Variants in ANKRD55 observed in about 807,000 individuals in gnomAD.
ANKRD55 encodes the protein ankyrin repeat domain 55.
In ANKRD55, 41 loss-of-function variants were observed where a neutral mutation model predicts 60.6. That is an observed-to-expected ratio of 0.68 (90% CI 0.53 to 0.88). The LOEUF (loss-of-function observed/expected upper bound fraction) is 0.88, where lower values mean the gene tolerates loss of function less well. Among genes scored for constraint, ANKRD55 ranks in the 40% least tolerant of loss-of-function variants. The pLI is 0.00. For missense variants in ANKRD55, 732 were observed against 767.6 expected (o/e 0.95, Z 0.55); for synonymous variants, 264 against 290.3 (o/e 0.91, Z 0.92).
intron 11 of ANKRD55, 119 bp downstream of exon 11, chr5:56,102,375 C>A: frequency 1.5e-6 from 1 of 656,304 alleles, no homozygotes; most frequent in Non-Finnish European, 2.4e-6. Context: ...GGGGCGACAG[C>A]GCAAGACTCC....
chr5:56,174,205 G>C (rs1758685813), intron 4 of ANKRD55, among the ~76,000 whole-genome samples: 1 of 152,084 alleles, frequency 6.6e-6, no homozygotes, highest in South Asian at 2.1e-4. Flanking sequence ...AACTTTCCAG[G>C]CTCCAAGGGT....
At chr5:56,221,999 G>A (rs533889786) in intron 2 of ANKRD55, among the ~76,000 whole-genome samples, 1 of 152,174 alleles carries the variant, frequency 6.6e-6, no homozygotes, top group Admixed American at 6.5e-5. Flanking sequence ...AGAGAGTAGT[G>A]GTTCTCCCAG....
At chr5:56,200,894 G>C (rs1374713976) in intron 2 of ANKRD55, among the ~76,000 whole-genome samples, 1 of 152,166 alleles carries the variant, frequency 6.6e-6, no homozygotes, top group Non-Finnish European at 1.5e-5. Flanking sequence ...GACAACCACA[G>C]AGGACTCTGA....
intron 6 of ANKRD55, among the ~76,000 whole-genome samples, chr5:56,156,375 C>T (rs2111785711): frequency 6.6e-6 from 1 of 152,348 alleles, no homozygotes; most frequent in East Asian, 1.9e-4. Context: ...ATATTTACCA[C>T]ATATTCTATG....
In ANKRD55 at chr5:56,172,239, A is replaced by T. The variant is rs553597377; in HGVS notation, c.313-1436T>A. Reference sequence around the variant, plus strand: ...AGGAAAATCAACAAAAATGCATCAAAATTCAGAGTATAAATATTGAATATG... The same window carrying T: ...AGGAAAATCAACAAAAATGCATCAATATTCAGAGTATAAATATTGAATATG... On this transcript the variant is annotated intron_variant, in intron 4 of 11. Transcript: ENST00000341048. Among the ~76,000 whole-genome samples, 4 of 152,330 alleles carry T rather than the reference A, an allele frequency of 2.6e-5. No homozygotes were observed. The South Asian group carries it at 8.3e-4, about 32-fold the overall frequency.
intron 2 of ANKRD55, among the ~76,000 whole-genome samples, chr5:56,198,428 G>A (rs1759278107): frequency 6.6e-6 from 1 of 151,938 alleles, no homozygotes; most frequent in African/African-American, 2.4e-5. Flanking sequence ...TGGGGTTACA[G>A]GCATGCACCA....
At chr5:56,218,593 T>C (rs573996535) in intron 2 of ANKRD55, among the ~76,000 whole-genome samples, 1 of 152,340 alleles carries the variant, frequency 6.6e-6, no homozygotes, top group Non-Finnish European at 1.5e-5. Context: ...ACTTAATAGA[T>C]TACAGTACAG....
At chr5:56,221,032 A>T (rs904499271) in intron 2 of ANKRD55, among the ~76,000 whole-genome samples, 1 of 152,172 alleles carries the variant, frequency 6.6e-6, no homozygotes, top group Non-Finnish European at 1.5e-5. Context: ...GTCTTTATTT[A>T]TCTGGACCTT....
intron 2 of ANKRD55, among the ~76,000 whole-genome samples, chr5:56,188,362 CTACAA>C (rs1759022070): frequency 7.5e-6 from 1 of 132,720 alleles, no homozygotes; most frequent in Admixed American, 6.9e-5. Flanking sequence ...CGCCACCCCC[CTACAA>C]CCAAAAAAAA....
At chr5:56,195,321 CAG>C (rs1412068836) in intron 2 of ANKRD55, among the ~76,000 whole-genome samples, 1 of 152,168 alleles carries the variant, frequency 6.6e-6, no homozygotes, top group Non-Finnish European at 1.5e-5. Flanking sequence ...TGTGTCATAA[CAG>C]AATATTTTAC....
rs1304674313 is a variant in ANKRD55, at chr5:56,159,913, G to A, written c.423-20C>T. 7 of 1,610,912 alleles carry A rather than the reference G, an allele frequency of 4.3e-6. No individual in the cohort carries two copies. The East Asian group carries it at 1.1e-4, about 26-fold the overall frequency. ...AGGAGCCTGTAAGGAAAAAATAGGA[G>A]AAATGGCTCAAAATAACAGGCAGTC... On this transcript the variant is annotated intron_variant, in intron 5 of 11. Coordinates refer to ENST00000341048, the MANE Select transcript of ANKRD55 (RefSeq NM_024669.3).
At chr5:56,173,394 C>T (rs1159122886) in intron 4 of ANKRD55, among the ~76,000 whole-genome samples, 1 of 151,272 alleles carries the variant, frequency 6.6e-6, no homozygotes, top group Non-Finnish European at 1.5e-5. Context: ...GACGGGGTTT[C>T]ACCATGTTGC....
At position 56,111,170 on chromosome 5, in the gene ANKRD55, G is replaced by A; in HGVS notation, c.1578C>T (p.His526=). Residue 526 remains histidine (H), a synonymous_variant, in exon 10 of 12, where the codon CAC becomes CAT. Coordinates refer to ENST00000341048, the MANE Select transcript of ANKRD55 (RefSeq NM_024669.3). Reference sequence around the variant, plus strand: ...GGTGTGGTGGCACGGAGACCTCTTGGTGACCAGGCCGGACACTGAGCAATC... The same window carrying A: ...GGTGTGGTGGCACGGAGACCTCTTGATGACCAGGCCGGACACTGAGCAATC... ...LDRLLSVRPG[H]QEVSVPPHLR... 6.2e-7 allele frequency: 1 copy of A among 1,614,200 alleles called. No homozygotes were observed.
At chr5:56,144,213 A>G (rs1354397960) in intron 6 of ANKRD55, among the ~76,000 whole-genome samples, 5 of 152,254 alleles carry the variant, frequency 3.3e-5, no homozygotes, top group African/African-American at 1.2e-4. Context: ...TATTAAATGC[A>G]CAAAAACATG....
intron 7 of ANKRD55, among the ~76,000 whole-genome samples, chr5:56,141,823 T>A (rs1757777945): frequency 6.6e-6 from 1 of 152,186 alleles, no homozygotes; most frequent in Non-Finnish European, 1.5e-5. Flanking sequence ...AAATGACCAT[T>A]TCGTCCAATT....
intron 8 of ANKRD55, among the ~76,000 whole-genome samples, chr5:56,119,816 T>C (rs965504110): frequency 6.6e-6 from 1 of 151,706 alleles, no homozygotes; most frequent in Non-Finnish European, 1.5e-5. Flanking sequence ...TCTCAGGAGG[T>C]TGAGGTGGGA....
Position 56,116,797 on chromosome 5 carries a change from T to A in ANKRD55, c.798-15A>T. ...GCAGAGGTGTCCTGGAGGGGCCATG[T>A]GAAAAAAGCACAAGCGTCTGAGCAT... is the stretch of plus-strand genomic sequence containing the variant. On this transcript the variant is annotated splice_polypyrimidine_tract_variant and intron_variant, in intron 8 of 11. Transcript: ENST00000341048. 1 of 1,588,614 alleles carries A rather than the reference T, an allele frequency of 6.3e-7. No individual in the cohort carries two copies. Among genetic ancestry groups the A allele is most frequent in the Non-Finnish European group, 8.6e-7 (1 of 1,169,002 alleles).
intron 2 of ANKRD55, among the ~76,000 whole-genome samples, chr5:56,218,100 G>C (rs1189432101): frequency 1.3e-5 from 2 of 152,192 alleles, no homozygotes; most frequent in Admixed American, 6.5e-5. Flanking sequence ...GATAAACCTT[G>C]AATGGATGAA....
chr5:56,183,001 G>A (rs779620765), intron 3 of ANKRD55, among the ~76,000 whole-genome samples: 1 of 152,208 alleles, frequency 6.6e-6, no homozygotes, highest in Non-Finnish European at 1.5e-5. Context: ...AGCTTCTTCA[G>A]CATCAGCTCT....
Sources: gnomAD v4.1 joint callset for allele counts (sites outside exome capture counted in the v4.1 genomes callset) on GRCh38, gnomAD v4.1.1 for gene constraint, MANE v1.5 for transcripts, NCBI Gene and HGNC (gene_info 2026-07-23, HGNC 2026-07-21) for gene names.